AK4: variants seen among roughly 807,000 people sequenced by gnomAD.
AK4 encodes the protein adenylate kinase 4, mitochondrial.
AK4 carries 13 observed loss-of-function variants against 24.6 expected under a neutral mutation model. The ratio of observed to expected loss-of-function variants is 0.53; its 90% CI spans 0.34 to 0.84. The LOEUF (loss-of-function observed/expected upper bound fraction) is 0.84, where lower values mean the gene tolerates loss of function less well. Ranked by LOEUF, AK4 falls within the 40% of genes least tolerant of loss-of-function variation. AK4 has a pLI of 0.01. For synonymous variants in AK4, 88 were observed against 107.0 expected (o/e 0.82, Z 1.10); for missense variants, 192 against 288.2 (o/e 0.67, Z 2.42).
intron 1 of AK4, among the ~76,000 whole-genome samples, chr1:65,184,460 A>G (rs1205486654): frequency 1.3e-5 from 2 of 152,234 alleles, no homozygotes; most frequent in Non-Finnish European, 2.9e-5. Context: ...AGGCAAAGAT[A>G]GTGGCCTCTT....
At chr1:65,222,161 T>G (rs900634077) in intron 3 of AK4, among the ~76,000 whole-genome samples, 1 of 152,138 alleles carries the variant, frequency 6.6e-6, no homozygotes, top group Non-Finnish European at 1.5e-5. Flanking sequence ...GTTTACACAG[T>G]GCTGGAGAAA....
intron 1 of AK4, 86 bp downstream of exon 1, chr1:65,148,638 G>T: frequency 7.0e-7 from 1 of 1,425,720 alleles, no homozygotes; most frequent in Middle Eastern, 2.5e-4. Context: ...CCGGATCACG[G>T]CGCCCTTCCC....
chr1:65,190,376 C>T (rs939196314), intron 1 of AK4, among the ~76,000 whole-genome samples: 2 of 150,688 alleles, frequency 1.3e-5, no homozygotes, highest in Non-Finnish European at 3.0e-5. Flanking sequence ...GATCCTCCCA[C>T]CTCATCCTCC....
intron 1 of AK4, among the ~76,000 whole-genome samples, chr1:65,149,909 G>A (rs1649708530): frequency 6.6e-6 from 1 of 152,106 alleles, no homozygotes; most frequent in Non-Finnish European, 1.5e-5. Flanking sequence ...GCGGTTTGAG[G>A]GGAGAGCGGC....
chr1:65,148,096 G>T, upstream of AK4: 1 of 360,022 alleles, frequency 2.8e-6, no homozygotes, highest in Non-Finnish European at 4.8e-6. Context: ...CCTGGAGGCC[G>T]AGTCGGCAGG....
intron 1 of AK4, among the ~76,000 whole-genome samples, chr1:65,168,964 C>T (rs1276624283): frequency 6.6e-6 from 1 of 152,056 alleles, no homozygotes; most frequent in Non-Finnish European, 1.5e-5. Flanking sequence ...CACTTGAGGC[C>T]AGGACTTCTG....
intron 3 of AK4, among the ~76,000 whole-genome samples, chr1:65,222,647 C>G (rs1248209428): frequency 6.6e-6 from 1 of 152,174 alleles, no homozygotes; most frequent in Non-Finnish European, 1.5e-5. Flanking sequence ...ATATATTCTC[C>G]CATCCCCATC....
chr1:65,175,540 A>G (rs1033074337), intron 1 of AK4, among the ~76,000 whole-genome samples: 4 of 152,340 alleles, frequency 2.6e-5, no homozygotes, highest in Admixed American at 6.5e-5. Flanking sequence ...TGCAATGGCA[A>G]GGAATTACTA....
chr1:65,183,162 C>T (rs889516789), intron 1 of AK4, among the ~76,000 whole-genome samples: 1 of 152,124 alleles, frequency 6.6e-6, no homozygotes, highest in African/African-American at 2.4e-5. Context: ...TCAGAGGGAA[C>T]AGTGTACCTT....
chr1:65,201,985 G>A (rs1651675883), intron 2 of AK4, among the ~76,000 whole-genome samples: 7 of 152,200 alleles, frequency 4.6e-5, no homozygotes, highest in Admixed American at 4.6e-4. Flanking sequence ...TAGAAACAGG[G>A]AGTTGAGTAA....
intron 1 of AK4, among the ~76,000 whole-genome samples, chr1:65,170,784 T>C (rs1650491610): frequency 6.6e-6 from 1 of 152,192 alleles, no homozygotes; most frequent in Admixed American, 6.5e-5. Flanking sequence ...ACATGGTTAG[T>C]GACTAGTGAA....
intron 1 of AK4, among the ~76,000 whole-genome samples, chr1:65,185,156 C>T (rs1312943192): frequency 2.6e-5 from 4 of 152,124 alleles, no homozygotes; most frequent in South Asian, 4.1e-4. Flanking sequence ...GGATTATTAT[C>T]GCAGCCTCCT....
chr1:65,173,184 A>C (rs910270678), intron 1 of AK4, among the ~76,000 whole-genome samples: 1 of 152,052 alleles, frequency 6.6e-6, no homozygotes, highest in African/African-American at 2.4e-5. Context: ...TTTTTGAACC[A>C]CAAGTCTTGG....
chr1:65,202,274 G>A (rs1403326536), intron 2 of AK4, among the ~76,000 whole-genome samples: 2 of 152,116 alleles, frequency 1.3e-5, no homozygotes, highest in African/African-American at 4.8e-5. Context: ...GCAGGCGCCT[G>A]TAGTTCCAGC....
At chr1:65,168,604 T>C (rs1253046038) in intron 1 of AK4, among the ~76,000 whole-genome samples, 4 of 152,174 alleles carry the variant, frequency 2.6e-5, no homozygotes, top group Non-Finnish European at 5.9e-5. Flanking sequence ...CTCTCCATAT[T>C]CTATTCTCTT....
At chr1:65,178,395 C>T (rs1426674167) in intron 1 of AK4, among the ~76,000 whole-genome samples, 2 of 152,176 alleles carry the variant, frequency 1.3e-5, no homozygotes, top group African/African-American at 4.8e-5. Flanking sequence ...CTCCGGCACA[C>T]GGCTGAGTCT....
rs1201505922 is a variant in AK4 at position 65,171,191 on chromosome 1, G to C, written c.146-19519G>C. Reference sequence around the variant, plus strand: ...TCCCAGGCTGGTCTGGAAGTTCTGGGCTCGAGCAATCTGCTTGCCTCAACC... The same window carrying C: ...TCCCAGGCTGGTCTGGAAGTTCTGGCCTCGAGCAATCTGCTTGCCTCAACC... On this transcript the variant is annotated intron_variant, in intron 1 of 4. Coordinates refer to ENST00000327299, the MANE Select transcript of AK4 (RefSeq NM_013410.4). Among the ~76,000 whole-genome samples the C allele has an allele frequency of 1.1e-4, 16 of 147,718 alleles. 1 individual carries two copies. Among genetic ancestry groups the C allele is most frequent in the Admixed American group, 1.1e-3 (16 of 14,818 alleles).
At chr1:65,184,477 AC>A (rs1457593098) in intron 1 of AK4, among the ~76,000 whole-genome samples, 2 of 152,128 alleles carry the variant, frequency 1.3e-5, no homozygotes, top group African/African-American at 4.8e-5. Context: ...TCTTTGGGGC[AC>A]CCTATATTTA....
At chr1:65,168,053 C>T (rs1034938691) in intron 1 of AK4, among the ~76,000 whole-genome samples, 3 of 152,116 alleles carry the variant, frequency 2.0e-5, no homozygotes, top group Admixed American at 2.0e-4. Flanking sequence ...TTCAGCCTTT[C>T]ACCATGACCC....
Sources: allele counts gnomAD v4.1 joint callset (sites outside exome capture counted in the v4.1 genomes callset), GRCh38; gene constraint gnomAD v4.1.1; transcripts MANE v1.5; gene names NCBI Gene and HGNC (gene_info 2026-07-23, HGNC 2026-07-21).